The following ARHGAP32 variants were observed in gnomAD, a reference collection of about 807,000 sequenced individuals.
The protein encoded by ARHGAP32 is rho GTPase-activating protein 32.
ARHGAP32 carries 51 observed loss-of-function variants against 186.5 expected under a neutral mutation model. The ratio of observed to expected loss-of-function variants is 0.27; its 90% CI spans 0.22 to 0.35. The LOEUF is 0.35. ARHGAP32 is among the 10% of genes least tolerant of loss of function. The probability of loss-of-function intolerance (pLI) is 1.00; values close to 1 mark genes in which losing one functional copy is unlikely to be tolerated. For synonymous variants in ARHGAP32, 950 were observed against 964.3 expected (o/e 0.99, Z 0.27); for missense variants, 2,186 against 2,623.5 (o/e 0.83, Z 3.64).
chr11:129,266,239 A>G (rs1364674888), intron 1 of ARHGAP32, among the ~76,000 whole-genome samples: 2 of 152,194 alleles, frequency 1.3e-5, no homozygotes, highest in South Asian at 2.1e-4. Flanking sequence ...ATGTCACTAG[A>G]TAAGTGACTT....
At chr11:129,048,554 A>C (rs78014136) in intron 10 of ARHGAP32, among the ~76,000 whole-genome samples, 1,953 of 152,228 alleles carry the variant, frequency 0.013, 36 homozygotes, top group African/African-American at 0.04. Context: ...GGGTTTAAGA[A>C]TATATTTGTG....
chr11:128,973,428 T>C lies in ARHGAP32; in HGVS notation c.3078A>G (p.Ala1026=). 6.2e-7 allele frequency: 1 copy of C among 1,611,612 alleles called. No homozygotes were observed. Among genetic ancestry groups the C allele is most frequent in the Non-Finnish European group, 8.5e-7 (1 of 1,178,324 alleles). ...AATCCTGAGGGGGGTCATGGGTAAC[T>C]GCTCCTAGTGGGAAATTGGGAAAAA... is the stretch of plus-strand genomic sequence containing the variant. ...AVASGQTQTG[A]VTHDPPQDSV... is the part of the protein sequence containing the mutation. Residue 1026 remains alanine (A), a synonymous_variant, in exon 22 of 23, where the codon GCA becomes GCG. Transcript: ENST00000682385.
chr11:129,126,755 G>A (rs1942671788), intron 2 of ARHGAP32, among the ~76,000 whole-genome samples: 1 of 151,942 alleles, frequency 6.6e-6, no homozygotes, highest in Non-Finnish European at 1.5e-5. Context: ...GACAAAAAAG[G>A]AAATACAGTA....
At chr11:129,056,905 G>A (rs945113329) in intron 10 of ARHGAP32, among the ~76,000 whole-genome samples, 1 of 152,162 alleles carries the variant, frequency 6.6e-6, no homozygotes, top group Non-Finnish European at 1.5e-5. Context: ...TCTCCTGAGA[G>A]AGGCCTGCAC....
intron 2 of ARHGAP32, among the ~76,000 whole-genome samples, chr11:129,151,344 G>C (rs567567917): frequency 6.6e-6 from 1 of 152,124 alleles, no homozygotes; most frequent in East Asian, 1.9e-4. Flanking sequence ...AGAAACAATA[G>C]ACTTAAAACT....
rs533607431 is a variant in ARHGAP32 at position 128,999,127 on chromosome 11, C to T, written c.1046-659G>A. 1.1e-4 allele frequency among the ~76,000 whole-genome samples: 16 copies of T among 152,262 alleles called. No individual in the cohort carries two copies. In the East Asian group the frequency reaches 1.2e-3, roughly 11 times the overall value. Reference sequence around the variant, plus strand: ...AGTCATATTTCTCTTCTTGCAAAAGCGAATAGGAGAAATATCGCTGAATTC... The same window carrying T: ...AGTCATATTTCTCTTCTTGCAAAAGTGAATAGGAGAAATATCGCTGAATTC... On this transcript the variant is annotated intron_variant, in intron 11 of 22. Coordinates refer to ENST00000682385, the MANE Select transcript of ARHGAP32 (RefSeq NM_001378024.1).
chr11:129,062,505 T>TA (rs1940541826), intron 9 of ARHGAP32, 148 bp from the exon 10 acceptor site: 1 of 560,282 alleles, frequency 1.8e-6, no homozygotes, highest in Admixed American at 3.6e-5. Context: ...CATTTCTTTT[T>TA]AAAAATCATT....
intron 2 of ARHGAP32, among the ~76,000 whole-genome samples, chr11:129,127,676 T>C (rs1942694441): frequency 6.6e-6 from 1 of 152,082 alleles, no homozygotes; most frequent in African/African-American, 2.4e-5. Flanking sequence ...TGAGAGCACA[T>C]AGCTTGAGTT....
At chr11:129,180,620 T>C (rs1320603127) in intron 1 of ARHGAP32, among the ~76,000 whole-genome samples, 1 of 152,160 alleles carries the variant, frequency 6.6e-6, no homozygotes, top group African/African-American at 2.4e-5. Context: ...ATCCATTTAT[T>C]TGACTCTCTT....
In ARHGAP32 at chr11:128,972,441, TC is replaced by T; in HGVS notation, c.4053+11del. 2.0e-6 allele frequency: 3 copies of T among 1,509,812 alleles called. No individual in the cohort carries two copies. The highest frequency in any genetic ancestry group is 2.7e-6 in the Non-Finnish European group (3 of 1,129,346). 93.5% of individuals were successfully genotyped at this position (1,509,812 alleles called of 1,614,324 possible). ...AGTATATTTCATCTCACTGATATCTTCCCCTTCTTACCTTGTGGGAATTATT... is the reference window on the plus strand; with the variant it reads ...AGTATATTTCATCTCACTGATATCTTCCCTTCTTACCTTGTGGGAATTATT... On this transcript the variant is annotated intron_variant, in intron 22 of 22. Coordinates refer to ENST00000682385, the MANE Select transcript of ARHGAP32 (RefSeq NM_001378024.1).
At chr11:129,201,656 T>C (rs1054066911) in intron 1 of ARHGAP32, among the ~76,000 whole-genome samples, 2 of 152,074 alleles carry the variant, frequency 1.3e-5, no homozygotes, top group Non-Finnish European at 2.9e-5. Flanking sequence ...AAATACAACA[T>C]TTACATGTAG....
intron 1 of ARHGAP32, among the ~76,000 whole-genome samples, chr11:129,201,964 C>A (rs1944460898): frequency 6.6e-6 from 1 of 152,070 alleles, no homozygotes; most frequent in African/African-American, 2.4e-5. Context: ...GCCTGGGCAA[C>A]AGAGCAAGAG....
Position 129,186,429 on chromosome 11 carries a change from C to T in ARHGAP32, c.116+5654G>A, listed in dbSNP as rs1298216221. On this transcript the variant is annotated intron_variant, in intron 1 of 22. Transcript: ENST00000682385. ...GCCTAATGGCTAGACTCCATTACTG[C>T]CTAAAATGTTCTGAGATTAAGGGAT... 1.3e-5 allele frequency among the ~76,000 whole-genome samples: 2 copies of T among 152,136 alleles called. 1 individual carries two copies. The highest frequency in any genetic ancestry group is 4.1e-4 in the South Asian group (2 of 4,834).
At chr11:129,115,896 G>C (rs947513092) in intron 5 of ARHGAP32, among the ~76,000 whole-genome samples, 2 of 152,066 alleles carry the variant, frequency 1.3e-5, no homozygotes, top group Non-Finnish European at 2.9e-5. Context: ...CGAGAAAGGA[G>C]AATGGGCAGG....
chr11:128,970,094 T>A lies in ARHGAP32; in HGVS notation c.5119A>T (p.Asn1707Tyr), dbSNP rs1945319179. 6.2e-7 allele frequency: 1 copy of A among 1,614,050 alleles called. No individual in the cohort carries two copies. The highest frequency in any genetic ancestry group is 8.5e-7 in the Non-Finnish European group (1 of 1,180,034). ...AAGCTCTTTCCTTGCAGCCTAGGATTGTAGAAAGCAAAGTCTCGATTGGGA... is the reference window on the plus strand; with the variant it reads ...AAGCTCTTTCCTTGCAGCCTAGGATAGTAGAAAGCAAAGTCTCGATTGGGA... Reference protein sequence around the residue: ...RLPNRDFAFYNPRLQGKSLYS... With the variant: ...RLPNRDFAFYYPRLQGKSLYS... Residue 1707 changes from asparagine (N) to tyrosine (Y), a missense_variant, in exon 23 of 23, where the codon AAT (asparagine) becomes TAT (tyrosine). Transcript: ENST00000682385. This position sits in a 1 kb window ranked among gnomAD's most constrained non-coding sequence, Gnocchi z 5.8.
intron 10 of ARHGAP32, among the ~76,000 whole-genome samples, chr11:129,060,336 C>G (rs1464551834): frequency 2.0e-5 from 3 of 148,440 alleles, no homozygotes; most frequent in Non-Finnish European, 3.0e-5. Flanking sequence ...AGGTGTTACA[C>G]ATAGATAGAT....
At position 129,130,225 on chromosome 11, in the gene ARHGAP32, C is replaced by G. The variant is rs77823629; in HGVS notation, c.226-5331G>C. On this transcript the variant is annotated intron_variant, in intron 2 of 22. Coordinates refer to ENST00000682385, the MANE Select transcript of ARHGAP32 (RefSeq NM_001378024.1). ...TTTATTTATGACACAGGAGCCAATG[C>G]AATTCAAAAGAACAGCATTGTCAAT... Among the ~76,000 whole-genome samples, 206 of 152,208 alleles carry G rather than the reference C, an allele frequency of 1.4e-3. 3 individuals carry two copies. In the East Asian group the frequency reaches 0.027, roughly 20 times the overall value.
At chr11:129,103,232 A>T (rs888704905) in intron 5 of ARHGAP32, among the ~76,000 whole-genome samples, 66 of 152,290 alleles carry the variant, frequency 4.3e-4, no homozygotes, top group African/African-American at 1.5e-3. Context: ...AAAACTATGA[A>T]AAAAAGTTCC....
At chr11:129,177,842 G>A (rs1443265935) in intron 1 of ARHGAP32, among the ~76,000 whole-genome samples, 1 of 152,134 alleles carries the variant, frequency 6.6e-6, no homozygotes, top group African/African-American at 2.4e-5. Flanking sequence ...TACTGAATGG[G>A]CAAAAACTGG....
Sources: allele counts gnomAD v4.1 joint callset (sites outside exome capture counted in the v4.1 genomes callset), GRCh38; gene constraint gnomAD v4.1.1; non-coding constraint Gnocchi (gnomAD v3.1); transcripts MANE v1.5; gene names NCBI Gene and HGNC (gene_info 2026-07-23, HGNC 2026-07-21).